Variants in BAIAP3 observed in about 807,000 individuals in gnomAD.
The protein encoded by BAIAP3 is BAI1 associated protein 3.
In BAIAP3, 180 loss-of-function variants were observed where a neutral mutation model predicts 149.7. The ratio of observed to expected loss-of-function variants is 1.20; its 90% confidence interval spans 1.07 to 1.36. The LOEUF (loss-of-function observed/expected upper bound fraction) is 1.36. Among genes scored for constraint, BAIAP3 ranks in the 40% most tolerant of loss-of-function variants. BAIAP3 has a pLI of 0.00. For missense variants in BAIAP3, 1,767 were observed against 1,563.4 expected, an observed-to-expected ratio of 1.13 and a Z score of -2.20; for synonymous variants, 845 against 670.7, an observed-to-expected ratio of 1.26 and a Z score of -4.02.
intron 1 of BAIAP3, chr16:1,336,206 G>A (rs904921134): frequency 1.1e-5 from 11 of 985,160 alleles, no homozygotes; most frequent in African/African-American, 8.7e-5. Context: ...CACTGGCTTC[G>A]GGGGACAGCA....
chr16:1,339,001 A>T lies in BAIAP3; in HGVS notation c.219+12A>T, dbSNP rs1567158953. The T allele has an allele frequency of 6.2e-7, 1 of 1,612,350 alleles. No homozygotes were observed. Among genetic ancestry groups the T allele is most frequent in the Admixed American group, 1.7e-5 (1 of 59,962 alleles). ...TGCCGTGCCTCGAGGTAAGGGTGCCACCCCCAGGGCCCGATACCACAGCCC... is the reference window on the plus strand; with the variant it reads ...TGCCGTGCCTCGAGGTAAGGGTGCCTCCCCCAGGGCCCGATACCACAGCCC... On this transcript the variant is annotated intron_variant, in intron 3 of 33. Transcript: ENST00000426824.
Position 1,348,816 on chromosome 16 carries a change from G to T in BAIAP3, c.*334G>T. ...GGCTCCCCGGCCCTGGGTGGGCGGT[G>T]GGCAGCTGGTCTCCAGGGACTCAGT... On this transcript the variant is annotated 3_prime_UTR_variant, in exon 34 of 34. Transcript: ENST00000426824. 1 of 473,662 alleles carries T rather than the reference G, an allele frequency of 2.1e-6. No individual in the cohort carries two copies. 29.3% of individuals were successfully genotyped at this position (473,662 alleles called of 1,614,324 possible). A position where few individuals can be genotyped will look rare whatever the true frequency, so the allele number is the denominator to read the frequency against.
chr16:1,348,596 G>GTGA lies in BAIAP3; in HGVS notation c.*115_*117dup. 9.6e-7 allele frequency: 1 copy of GTGA among 1,042,998 alleles called. No individual in the cohort carries two copies. The highest frequency in any genetic ancestry group is 1.4e-6 in the Non-Finnish European group (1 of 703,212). 64.6% of individuals were successfully genotyped at this position (1,042,998 alleles called of 1,614,324 possible). On this transcript the variant is annotated 3_prime_UTR_variant, in exon 34 of 34. Coordinates refer to ENST00000426824, the MANE Select transcript of BAIAP3 (RefSeq NM_001199097.2). ...GGGCCCACGGCGCCCCTCCTGTGCTGTGACGTGTGTGTCGTGGCTGGCCCC... is the reference window on the plus strand; with the variant it reads ...GGGCCCACGGCGCCCCTCCTGTGCTGTGATGACGTGTGTGTCGTGGCTGGCCCC...
At chr16:1,345,415 CCCCCAGCCT>C (rs1395481922) in intron 22 of BAIAP3, 43 bp downstream of exon 22, 4 of 1,540,230 alleles carry the variant, frequency 2.6e-6, no homozygotes, top group Non-Finnish European at 3.5e-6. Flanking sequence ...CTGGTCCAGG[CCCCCAGCCT>C]CCCCCGCCTC....
intron 28 of BAIAP3, 25 bp from the exon 29 acceptor site, chr16:1,347,273 C>T (rs773959690): frequency 1.9e-6 from 3 of 1,609,930 alleles, no homozygotes; most frequent in Non-Finnish European, 2.5e-6. Flanking sequence ...CTCCCTGACA[C>T]CTCTGCCTTC....
intron 1 of BAIAP3, among the ~76,000 whole-genome samples, chr16:1,334,159 G>A (rs1452663582): frequency 3.9e-5 from 6 of 151,972 alleles, no homozygotes; most frequent in Non-Finnish European, 4.4e-5. Context: ...TCCCGGGCGG[G>A]CTGCACCCCC....
chr16:1,342,836 G>T, intron 13 of BAIAP3, 22 bp downstream of exon 13: 1 of 1,612,532 alleles, frequency 6.2e-7, no homozygotes, highest in South Asian at 1.1e-5. Context: ...GCCTAGGATT[G>T]GAACAGCCCG....
At position 1,341,845 on chromosome 16, in the gene BAIAP3, A is replaced by AG. The variant is rs1320379991; in HGVS notation, c.755_756insG (p.Asp252GlufsTer11). ...AGCGAGATTGAGGATGTGAGCACGGACCAGCTGCACCTGGACATCTGGTAC... is the reference window on the plus strand; with the variant it reads ...AGCGAGATTGAGGATGTGAGCACGGAGCCAGCTGCACCTGGACATCTGGTAC... On this transcript the variant is annotated frameshift_variant, in exon 9 of 34. Transcript: ENST00000426824. LOFTEE classifies it high-confidence loss of function. 1 of 1,612,382 alleles carries AG rather than the reference A, an allele frequency of 6.2e-7. No homozygotes were observed. The highest frequency in any genetic ancestry group is 1.1e-5 in the South Asian group (1 of 91,046).
chr16:1,339,817 A>ACG (rs1555447268), intron 5 of BAIAP3, among the ~76,000 whole-genome samples: 30 of 87,078 alleles, frequency 3.4e-4, no homozygotes, highest in Non-Finnish European at 5.3e-4. Flanking sequence ...ACACAGACAC[A>ACG]CACACAGGCT....
rs1035595967 is a variant in BAIAP3, at chr16:1,342,939, G to A, written c.1188G>A (p.Glu396=). Residue 396 remains glutamate (E), a synonymous_variant, in exon 14 of 34, where the codon GAG becomes GAA. Transcript: ENST00000426824. ...CCAACTCCAGCAGCTGGCGAGGAGA[G>A]CTCAGCACACCAGCCGCCACCATCC... The part of the protein sequence containing the change: ...EEPNSSSWRG[E]LSTPAATILC... 1.9e-6 allele frequency: 3 copies of A among 1,612,118 alleles called. No individual in the cohort carries two copies. The highest frequency in any genetic ancestry group is 2.7e-5 in the African/African-American group (2 of 74,942).
At chr16:1,344,385 C>CCTGCACCT (rs1163169498) in intron 17 of BAIAP3, 68 bp downstream of exon 17, 3 of 1,610,132 alleles carry the variant, frequency 1.9e-6, no homozygotes, top group African/African-American at 2.7e-5. Context: ...CTTCCCGTCC[C>CCTGCACCT]CTGCACCTCT....
intron 1 of BAIAP3, among the ~76,000 whole-genome samples, chr16:1,335,877 G>C (rs1207243297): frequency 6.6e-6 from 1 of 152,174 alleles, no homozygotes; most frequent in African/African-American, 2.4e-5. Flanking sequence ...CCCACTTGCT[G>C]GCTCTGGGAC....
chr16:1,336,148 C>T, intron 1 of BAIAP3: 2 of 942,920 alleles, frequency 2.1e-6, no homozygotes, highest in Non-Finnish European at 1.3e-6. Flanking sequence ...CTGTCACACG[C>T]ACATGCCGCG....
intron 8 of BAIAP3, 110 bp downstream of exon 8, chr16:1,341,599 G>A (rs916337791): frequency 3.8e-5 from 53 of 1,381,430 alleles, no homozygotes; most frequent in Non-Finnish European, 3.8e-5. Flanking sequence ...CTTTGGGGCC[G>A]TGTGCCCACT....
At position 1,342,054 on chromosome 16, in the gene BAIAP3, G is replaced by T. The variant is rs780935087; in HGVS notation, c.845G>T (p.Gly282Val). 1.9e-6 allele frequency: 3 copies of T among 1,605,484 alleles called. No individual in the cohort carries two copies. Among genetic ancestry groups the T allele is most frequent in the African/African-American group, 2.7e-5 (2 of 74,860 alleles). Reference protein sequence around the residue: ...RKLNEVIGLKGMGRYFKQIVK... With the variant: ...RKLNEVIGLKVMGRYFKQIVK... ...CTGAATGAAGTCATCGGCCTGAAGG[G>T]CATGGGCAGGTATGACTGCTGGGAC... Residue 282 changes from glycine to valine, a missense_variant, in exon 10 of 34, where the codon GGC (glycine) becomes GTC (valine). Coordinates refer to ENST00000426824, the MANE Select transcript of BAIAP3 (RefSeq NM_001199097.2).
rs1445743999 is a variant in BAIAP3, at chr16:1,348,476, C to T, written c.3453C>T (p.Asp1151=). The T allele has an allele frequency of 6.2e-7, 1 of 1,608,048 alleles. No homozygotes were observed. The highest frequency in any genetic ancestry group is 8.5e-7 in the Non-Finnish European group (1 of 1,177,878). Residue 1151 remains aspartate, a synonymous_variant, in exon 34 of 34, where the codon GAC becomes GAT. Transcript: ENST00000426824. ...LKELEKCMEA[D]P is the part of the protein sequence containing the mutation. ...AGCTGGAGAAGTGCATGGAGGCGGA[C>T]CCCTGAGTCCATCAGCTGCCAGCCC...
intron 5 of BAIAP3, 27 bp downstream of exon 5, chr16:1,339,630 A>G: frequency 6.4e-7 from 1 of 1,570,150 alleles, no homozygotes; most frequent in Middle Eastern, 1.7e-4. Context: ...CCCGACCCAG[A>G]CCCTGACAGC....
chr16:1,347,503 A>G (rs2034459013), intron 29 of BAIAP3, 42 bp from the exon 30 acceptor site: 2 of 1,497,450 alleles, frequency 1.3e-6, no homozygotes, highest in Non-Finnish European at 1.8e-6. Flanking sequence ...AGCGCTGACC[A>G]CCAGCACCCA....
intron 10 of BAIAP3, 47 bp downstream of exon 10, chr16:1,342,110 G>A (rs2033963051): frequency 5.1e-6 from 8 of 1,570,222 alleles, no homozygotes; most frequent in Non-Finnish European, 6.9e-6. Context: ...CCCTCAGCTT[G>A]GTCATGGGGC....
Sources: allele counts gnomAD v4.1 joint callset (sites outside exome capture counted in the v4.1 genomes callset), GRCh38; gene constraint gnomAD v4.1.1; transcripts MANE v1.5; gene names NCBI Gene and HGNC (gene_info 2026-07-23, HGNC 2026-07-21).